The following DTNBP1 variants were observed in gnomAD, a reference collection of about 807,000 sequenced individuals.
DTNBP1 encodes dystrobrevin binding protein 1, also known as dysbindin.
In DTNBP1, 35 loss-of-function variants were observed where a neutral mutation model predicts 42.8. The observed-to-expected ratio is 0.82, with a 90% confidence interval of 0.63 to 1.09. DTNBP1 has a LOEUF of 1.09. Ranked by LOEUF, DTNBP1 falls within the 50% of genes least tolerant of loss-of-function variation. The pLI is 0.00. For synonymous variants in DTNBP1, 171 were observed against 162.2 expected, an observed-to-expected ratio of 1.05 and a Z score of -0.41; for missense variants, 457 against 424.2, an observed-to-expected ratio of 1.08 and a Z score of -0.68.
At chr6:15,649,704 G>A (rs1257736788) in intron 3 of DTNBP1, among the ~76,000 whole-genome samples, 1 of 152,068 alleles carries the variant, frequency 6.6e-6, no homozygotes, top group African/African-American at 2.4e-5. Flanking sequence ...ATTTAAAATG[G>A]TCTTTCTCAC....
intron 7 of DTNBP1, among the ~76,000 whole-genome samples, chr6:15,581,365 A>G (rs1339976332): frequency 1.3e-5 from 2 of 151,620 alleles, no homozygotes; most frequent in East Asian, 3.9e-4. Flanking sequence ...TTTTTAGTAG[A>G]GACAGGGTTT....
At chr6:15,590,884 C>T (rs1776271545) in intron 7 of DTNBP1, among the ~76,000 whole-genome samples, 1 of 152,078 alleles carries the variant, frequency 6.6e-6, no homozygotes, top group Admixed American at 6.6e-5. Flanking sequence ...TTTTGGTTCT[C>T]AAAAGTTAGT....
intron 8 of DTNBP1, 115 bp downstream of exon 8, chr6:15,533,123 CAT>C: frequency 4.6e-6 from 7 of 1,516,794 alleles, no homozygotes; most frequent in Non-Finnish European, 6.2e-6. Flanking sequence ...GCTGGGGTCT[CAT>C]AACAGAACGG....
At chr6:15,602,678 C>A (rs563182850) in intron 6 of DTNBP1, among the ~76,000 whole-genome samples, 15 of 152,280 alleles carry the variant, frequency 9.9e-5, no homozygotes, top group African/African-American at 3.4e-4. Flanking sequence ...TATAATCAAT[C>A]TAACTTTGGA....
At chr6:15,645,499 AG>A (rs1329391720) in intron 3 of DTNBP1, among the ~76,000 whole-genome samples, 3 of 152,128 alleles carry the variant, frequency 2.0e-5, no homozygotes, top group Non-Finnish European at 4.4e-5. Flanking sequence ...AGAAAACTAC[AG>A]GTCAACATTA....
At chr6:15,567,164 G>C (rs2619532) in intron 7 of DTNBP1, among the ~76,000 whole-genome samples, 151,083 of 152,224 alleles carry the variant, frequency 0.99, 74,980 homozygotes, top group East Asian at 1. Flanking sequence ...AAGAATCTTA[G>C]GCTGAGTGGG....
At chr6:15,578,158 G>C (rs1264142399) in intron 7 of DTNBP1, among the ~76,000 whole-genome samples, 1 of 152,222 alleles carries the variant, frequency 6.6e-6, no homozygotes, top group African/African-American at 2.4e-5. Flanking sequence ...TGTGGAAGCA[G>C]GGACAGTCCC....
At chr6:15,588,522 AC>A (rs995666555) in intron 7 of DTNBP1, among the ~76,000 whole-genome samples, 4 of 152,214 alleles carry the variant, frequency 2.6e-5, no homozygotes, top group African/African-American at 9.6e-5. Flanking sequence ...ACATAAAAAA[AC>A]AAAAATTCCA....
chr6:15,642,920 C>T (rs1281938635), intron 3 of DTNBP1, among the ~76,000 whole-genome samples: 1 of 152,184 alleles, frequency 6.6e-6, no homozygotes, highest in Non-Finnish European at 1.5e-5. Flanking sequence ...GGTGTTCTGG[C>T]ATCTCAAAGG....
At chr6:15,636,625 T>C (rs1035637576) in intron 4 of DTNBP1, among the ~76,000 whole-genome samples, 3 of 152,148 alleles carry the variant, frequency 2.0e-5, no homozygotes, top group African/African-American at 7.2e-5. Context: ...AGGTACATTT[T>C]TTTTCCCCCT....
chr6:15,614,995 T>C, intron 6 of DTNBP1: 1 of 527,710 alleles, frequency 1.9e-6, no homozygotes, highest in Non-Finnish European at 3.5e-6. Flanking sequence ...AGCTCAGGGC[T>C]CCTATTTTGC....
intron 7 of DTNBP1, among the ~76,000 whole-genome samples, chr6:15,585,311 C>T (rs1235307862): frequency 1.3e-5 from 2 of 151,302 alleles, no homozygotes; most frequent in East Asian, 3.9e-4. Flanking sequence ...TTTTATGGAG[C>T]TGTACCAGCC....
At chr6:15,656,793 A>G (rs559916242) in intron 1 of DTNBP1, among the ~76,000 whole-genome samples, 1 of 152,288 alleles carries the variant, frequency 6.6e-6, no homozygotes, top group Admixed American at 6.5e-5. Flanking sequence ...AGAATGATGC[A>G]TTGAGTACTA....
intron 7 of DTNBP1, among the ~76,000 whole-genome samples, chr6:15,546,868 T>A (rs1773909088): frequency 6.6e-6 from 1 of 152,174 alleles, no homozygotes; most frequent in Admixed American, 6.5e-5. Flanking sequence ...AAGATGCTTT[T>A]TACAGAAACA....
intron 6 of DTNBP1, 99 bp downstream of exon 6, chr6:15,615,168 T>C (rs771449859): frequency 2.6e-6 from 4 of 1,565,504 alleles, no homozygotes; most frequent in South Asian, 1.1e-5. Flanking sequence ...GTTGAAACCT[T>C]TGTCTTTTAT....
intron 6 of DTNBP1, among the ~76,000 whole-genome samples, chr6:15,604,135 G>C (rs1265493417): frequency 6.6e-6 from 1 of 152,096 alleles, no homozygotes; most frequent in Non-Finnish European, 1.5e-5. Flanking sequence ...CTATCTATCG[G>C]GTACCATCAC....
At chr6:15,559,253 C>T (rs553415923) in intron 7 of DTNBP1, among the ~76,000 whole-genome samples, 4 of 152,250 alleles carry the variant, frequency 2.6e-5, no homozygotes, top group Admixed American at 6.5e-5. Context: ...TACAACTACA[C>T]GAGAAGTTGC....
chr6:15,525,477 T>G (rs1425198377), intron 8 of DTNBP1, among the ~76,000 whole-genome samples: 1 of 152,134 alleles, frequency 6.6e-6, no homozygotes, highest in Non-Finnish European at 1.5e-5. Context: ...GTAACACACA[T>G]GAAATGAGCC....
At chr6:15,527,081 G>T (rs9476836) in intron 8 of DTNBP1, among the ~76,000 whole-genome samples, 19,061 of 152,148 alleles carry the variant, frequency 0.13, 1,529 homozygotes, top group African/African-American at 0.23. Context: ...TAAGAAGAAA[G>T]CTGATACAGC....
Sources: allele counts gnomAD v4.1 joint callset (sites outside exome capture counted in the v4.1 genomes callset), GRCh38; gene constraint gnomAD v4.1.1; transcripts MANE v1.5; gene names NCBI Gene and HGNC (gene_info 2026-07-23, HGNC 2026-07-21).